Variants in TNS1 observed in about 807,000 individuals in gnomAD.
The protein encoded by TNS1 is tensin-1.
TNS1 carries 62 observed loss-of-function variants against 168.6 expected under a neutral mutation model. The observed-to-expected ratio is 0.37, with a 90% CI of 0.30 to 0.45. The LOEUF is 0.45. Among genes scored for constraint, TNS1 ranks in the 20% least tolerant of loss-of-function variants. The pLI is 1.00. For missense variants in TNS1, 2,240 were observed against 2,339.4 expected (o/e 0.96, Z 0.88); for synonymous variants, 934 against 933.2 (o/e 1.00, Z -0.02).
At chr2:217,916,767 T>C (rs1955056441) in intron 4 of TNS1, among the ~76,000 whole-genome samples, 1 of 152,050 alleles carries the variant, frequency 6.6e-6, no homozygotes, top group African/African-American at 2.4e-5. Context: ...CGGGCAGAAA[T>C]TCTATGTCTG....
chr2:217,965,511 G>T (rs926140616), intron 3 of TNS1, among the ~76,000 whole-genome samples: 1 of 152,190 alleles, frequency 6.6e-6, no homozygotes, highest in Non-Finnish European at 1.5e-5. Flanking sequence ...GAAGTGGGTA[G>T]TTCTAGGTCA....
At chr2:217,932,688 C>G (rs57337321) in intron 3 of TNS1, among the ~76,000 whole-genome samples, 12 of 152,276 alleles carry the variant, frequency 7.9e-5, no homozygotes, top group Admixed American at 5.2e-4. Flanking sequence ...GAGGAAGGAG[C>G]TGATTTTTAA....
chr2:217,822,178 C>G (rs1942973774), intron 22 of TNS1, among the ~76,000 whole-genome samples: 1 of 152,160 alleles, frequency 6.6e-6, no homozygotes, highest in African/African-American at 2.4e-5. Context: ...CGCCTCAGAA[C>G]ATGGCCATCA....
rs2125014284 is a variant in TNS1 at position 217,803,615 on chromosome 2, C to T, written c.*844G>A. On this transcript the variant is annotated 3_prime_UTR_variant, in exon 33 of 33. Transcript: ENST00000682258. ...CGATGCCATTGCAGACCCTCCCACT[C>T]CTGCTGGGGTCTTTGTAGAAGAGAA... The T allele has an allele frequency of 6.5e-6, 1 of 152,806 alleles. No individual in the cohort carries two copies. The highest frequency in any genetic ancestry group is 2.1e-4 in the South Asian group (1 of 4,830). 9.5% of individuals were successfully genotyped at this position (152,806 alleles called of 1,614,324 possible). A position where few individuals can be genotyped will look rare whatever the true frequency, so the allele number is the denominator to read the frequency against.
At chr2:217,863,326 A>C (rs534905350) in intron 18 of TNS1, among the ~76,000 whole-genome samples, 1 of 152,272 alleles carries the variant, frequency 6.6e-6, no homozygotes, top group East Asian at 1.9e-4. Context: ...CCCCCAGGGA[A>C]TGTGTGACAA....
intron 18 of TNS1, chr2:217,849,849 G>A: frequency 1.0e-6 from 1 of 985,432 alleles, no homozygotes; most frequent in Non-Finnish European, 1.2e-6. Context: ...GTGCAGCAAA[G>A]GGCCCCACCA....
intron 3 of TNS1, among the ~76,000 whole-genome samples, chr2:217,934,103 T>A (rs976992168): frequency 1.3e-5 from 2 of 152,190 alleles, no homozygotes; most frequent in African/African-American, 4.8e-5. Context: ...GAGAAATGTG[T>A]TGGCCAAGGT....
intron 24 of TNS1, 95 bp from the exon 25 acceptor site, chr2:217,815,093 C>T (rs1355882426): frequency 1.0e-6 from 1 of 1,001,666 alleles, no homozygotes; most frequent in African/African-American, 1.6e-5. Context: ...GTGAATTTGA[C>T]CTTATTTGGA....
intron 1 of TNS1, among the ~76,000 whole-genome samples, chr2:218,009,458 G>C (rs372720780): frequency 8.6e-5 from 13 of 151,996 alleles, no homozygotes; most frequent in Middle Eastern, 3.2e-3. Flanking sequence ...GGAGACCGAT[G>C]CTCAACCAGG....
chr2:217,817,603 T>C (rs1574603139), intron 24 of TNS1, 87 bp downstream of exon 24: 2 of 1,200,546 alleles, frequency 1.7e-6, no homozygotes, highest in East Asian at 4.8e-5. Flanking sequence ...GCCAAGAGAA[T>C]GTCAGAATAG....
intron 1 of TNS1, among the ~76,000 whole-genome samples, chr2:218,031,734 G>C (rs754161567): frequency 6.6e-6 from 1 of 152,174 alleles, no homozygotes; most frequent in Non-Finnish European, 1.5e-5. Context: ...CCAACCCATG[G>C]GGGAGGGAGT....
chr2:217,885,820 C>T lies in TNS1; in HGVS notation c.1041-1G>A. The T allele has an allele frequency of 6.2e-7, 1 of 1,614,054 alleles. No homozygotes were observed. Among genetic ancestry groups the T allele is most frequent in the Non-Finnish European group, 8.5e-7 (1 of 1,179,998 alleles). On this transcript the variant is annotated splice_acceptor_variant, in intron 14 of 32. Coordinates refer to ENST00000682258, the MANE Select transcript of TNS1 (RefSeq NM_001387777.1). LOFTEE classifies it high-confidence loss of function. ...AGTCTGGCTGTCTCCTGGGATGTTG[C>T]TAAGGGAGAGAGGTGGGCAGAAAAA...
intron 19 of TNS1, among the ~76,000 whole-genome samples, chr2:217,837,846 G>A (rs554057624): frequency 1.3e-5 from 2 of 152,342 alleles, no homozygotes; most frequent in South Asian, 4.1e-4. Context: ...CTACCTGAAG[G>A]AAAGAAGGGC....
At chr2:217,824,897 G>C (rs887738294) in intron 22 of TNS1, among the ~76,000 whole-genome samples, 1 of 152,138 alleles carries the variant, frequency 6.6e-6, no homozygotes, top group Non-Finnish European at 1.5e-5. Flanking sequence ...CCCAGAGCCT[G>C]CCTAGCTGAT....
chr2:218,026,648 C>T (rs1306090509), intron 1 of TNS1, among the ~76,000 whole-genome samples: 8 of 152,212 alleles, frequency 5.3e-5, no homozygotes, highest in African/African-American at 1.7e-4. Flanking sequence ...CCAAACACTC[C>T]GTATCCCTAC....
upstream of TNS1, among the ~76,000 whole-genome samples, chr2:218,013,969 C>T (rs546435569): frequency 6.6e-6 from 1 of 152,284 alleles, no homozygotes; most frequent in East Asian, 1.9e-4. Flanking sequence ...CTTATTCCCC[C>T]AGAGAAGCAA....
chr2:217,870,363 C>G (rs552087227), intron 18 of TNS1, among the ~76,000 whole-genome samples: 33 of 152,166 alleles, frequency 2.2e-4, no homozygotes, highest in African/African-American at 6.0e-4. Context: ...TAACTGGAAA[C>G]AGAAAGGAAG....
intron 31 of TNS1, 115 bp from the exon 32 acceptor site, chr2:217,808,222 C>T (rs1202159025): frequency 1.7e-6 from 2 of 1,206,338 alleles, no homozygotes; most frequent in Non-Finnish European, 2.3e-6. Flanking sequence ...GCCCCCCATT[C>T]CCCCCTCATT....
At chr2:217,830,504 G>GACAGGGCT in intron 22 of TNS1, 1 of 1,256,904 alleles carries the variant, frequency 8.0e-7, no homozygotes, top group Non-Finnish European at 1.1e-6. Context: ...GGCCCAGGGA[G>GACAGGGCT]CCCTGTCTCC....
Sources: allele counts gnomAD v4.1 joint callset (sites outside exome capture counted in the v4.1 genomes callset), GRCh38; gene constraint gnomAD v4.1.1; transcripts MANE v1.5; gene names NCBI Gene and HGNC (gene_info 2026-07-23, HGNC 2026-07-21).